TBC1D20: variants seen among roughly 807,000 people sequenced by gnomAD.
TBC1D20 encodes chromosome 20 open reading frame 140.
TBC1D20 carries 12 observed loss-of-function variants against 41.6 expected under a neutral mutation model. The ratio of observed to expected loss-of-function variants is 0.29; its 90% CI spans 0.18 to 0.47. The LOEUF (loss-of-function observed/expected upper bound fraction) is 0.47. Among genes scored for constraint, TBC1D20 ranks in the 20% least tolerant of loss-of-function variants. The probability of loss-of-function intolerance (pLI) is 1.00; values close to 1 mark genes in which losing one functional copy is unlikely to be tolerated. For synonymous variants in TBC1D20, 205 were observed against 204.8 expected, an observed-to-expected ratio of 1.00 and a Z score of -0.01; for missense variants, 421 against 517.4, an observed-to-expected ratio of 0.81 and a Z score of 1.81.
intron 1 of TBC1D20, among the ~76,000 whole-genome samples, chr20:452,504 C>A (rs973001232): frequency 2.0e-5 from 3 of 152,272 alleles, no homozygotes; most frequent in East Asian, 3.9e-4. Context: ...GTGGTCCCAG[C>A]TACTCAGGAG....
rs1284054481 is a variant in TBC1D20, at chr20:439,173, G to A, written c.891C>T (p.Asp297=). 3 of 1,614,070 alleles carry A rather than the reference G, an allele frequency of 1.9e-6. No homozygotes were observed. Among genetic ancestry groups the A allele is most frequent in the African/African-American group, 2.7e-5 (2 of 74,934 alleles). The part of the protein sequence containing the change: ...PYETLISRAG[D]LFVQFPPSEL... ...CGGATGGGGGAAACTGAACAAAAAG[G>A]TCTCCTGCTCTGCTGATCAGTGTCT... Residue 297 remains aspartate, a synonymous_variant, in exon 7 of 8, where the codon GAC becomes GAT. Coordinates refer to ENST00000354200, the MANE Select transcript of TBC1D20 (RefSeq NM_144628.4). The surrounding 1 kb of genome is among the most constrained non-coding windows in gnomAD (Gnocchi z 4.6).
At chr20:446,784 C>T (rs146548242) in intron 2 of TBC1D20, among the ~76,000 whole-genome samples, 3,303 of 151,732 alleles carry the variant, frequency 0.022, 37 homozygotes, top group Non-Finnish European at 0.031. Flanking sequence ...AGCCGTGCAC[C>T]ACCATGTCTG....
chr20:461,688 A>T (rs927140567), intron 1 of TBC1D20, among the ~76,000 whole-genome samples: 1 of 152,222 alleles, frequency 6.6e-6, no homozygotes, highest in Non-Finnish European at 1.5e-5. Context: ...ATAACATTAA[A>T]ATAGGTGGCA....
intron 3 of TBC1D20, 99 bp from the exon 4 acceptor site, chr20:442,142 A>T (rs1343363894): frequency 2.7e-6 from 3 of 1,111,962 alleles, no homozygotes; most frequent in Non-Finnish European, 3.7e-6. Context: ...AAAAAAGGAA[A>T]ATGAATTACA....
chr20:456,255 A>G (rs775322589), intron 1 of TBC1D20, among the ~76,000 whole-genome samples: 2 of 152,214 alleles, frequency 1.3e-5, no homozygotes, highest in African/African-American at 2.4e-5. Context: ...AAAAACAAAA[A>G]AAAATCTCCA....
In TBC1D20 at chr20:442,057, C is replaced by T. The variant is rs1383825927; in HGVS notation, c.338-14G>A. On this transcript the variant is annotated splice_polypyrimidine_tract_variant and intron_variant, in intron 3 of 7. Transcript: ENST00000354200. ...CCTCTGGCATGCCTGGGGACAGGAACAGAGATGCCTTTGAACATACCAAGC... is the reference window on the plus strand; with the variant it reads ...CCTCTGGCATGCCTGGGGACAGGAATAGAGATGCCTTTGAACATACCAAGC... The T allele has an allele frequency of 8.1e-6, 13 of 1,601,830 alleles. No individual in the cohort carries two copies. The highest frequency in any genetic ancestry group is 1.1e-5 in the Non-Finnish European group (13 of 1,171,830).
At chr20:438,913 G>T in intron 7 of TBC1D20, 72 bp from the exon 8 acceptor site, 1 of 1,572,176 alleles carries the variant, frequency 6.4e-7, no homozygotes, top group Non-Finnish European at 8.7e-7. Context: ...ACACCACATA[G>T]GCTGCGGGCA....
At chr20:458,033 G>A (rs569166177) in intron 1 of TBC1D20, among the ~76,000 whole-genome samples, 2 of 152,264 alleles carry the variant, frequency 1.3e-5, no homozygotes, top group South Asian at 2.1e-4. Context: ...TACTGCTTGA[G>A]GGAAGCTGAT....
intron 3 of TBC1D20, among the ~76,000 whole-genome samples, chr20:442,822 G>A (rs2017263768): frequency 6.6e-6 from 1 of 152,228 alleles, no homozygotes; most frequent in African/African-American, 2.4e-5. Flanking sequence ...TGTAGGCCAG[G>A]CGCGGTGGCT....
intron 3 of TBC1D20, among the ~76,000 whole-genome samples, chr20:444,063 G>A (rs1385543364): frequency 6.6e-6 from 1 of 151,822 alleles, no homozygotes; most frequent in Admixed American, 6.6e-5. Context: ...CCTGGGAGGC[G>A]GAGGTTGTAG....
chr20:453,238 C>T (rs1166161447), intron 1 of TBC1D20, among the ~76,000 whole-genome samples: 1 of 145,148 alleles, frequency 6.9e-6, no homozygotes, highest in African/African-American at 2.6e-5. Context: ...TTTGGGAGGC[C>T]GAAGTGGGCA....
chr20:454,451 A>G (rs1387249624), intron 1 of TBC1D20, among the ~76,000 whole-genome samples: 3 of 152,128 alleles, frequency 2.0e-5, no homozygotes, highest in African/African-American at 7.2e-5. Context: ...TAATTAAAAA[A>G]TATTTATGTA....
chr20:451,232 G>C (rs537603796), intron 1 of TBC1D20, among the ~76,000 whole-genome samples: 1 of 152,296 alleles, frequency 6.6e-6, no homozygotes, highest in South Asian at 2.1e-4. Context: ...CATCCTTGCA[G>C]TGTAAGACGA....
intron 2 of TBC1D20, among the ~76,000 whole-genome samples, chr20:446,221 T>C (rs755062438): frequency 2.6e-5 from 4 of 152,258 alleles, no homozygotes; most frequent in Non-Finnish European, 5.9e-5. Context: ...TTTTACTATT[T>C]TGAACTTCAT....
intron 2 of TBC1D20, among the ~76,000 whole-genome samples, chr20:445,351 T>G (rs1423806319): frequency 1.3e-5 from 2 of 152,160 alleles, no homozygotes; most frequent in African/African-American, 4.8e-5. Context: ...GAGCACAGAC[T>G]GCCCAGGAGA....
At chr20:445,621 C>G (rs2017317703) in intron 2 of TBC1D20, among the ~76,000 whole-genome samples, 2 of 152,232 alleles carry the variant, frequency 1.3e-5, no homozygotes, top group African/African-American at 4.8e-5. Context: ...CCTAACAACT[C>G]TTGACCCAGC....
In TBC1D20 at chr20:453,153, CAAAAAAAAAAAAAAAAAAA is replaced by C. The variant is rs71191943; in HGVS notation, c.71-5098_71-5080del. Among the ~76,000 whole-genome samples, 78 of 44,858 alleles carry C rather than the reference CAAAAAAAAAAAAAAAAAAA, an allele frequency of 1.7e-3. 2 individuals carry two copies. Among genetic ancestry groups the C allele is most frequent in the East Asian group, 0.011 (10 of 918 alleles). The allele number at this position is 44,858 out of a possible 152,430, so 29.4% of individuals were successfully genotyped here. A position where few individuals can be genotyped will look rare whatever the true frequency, so the allele number is the denominator to read the frequency against. ...GGGCAACAAGAGCGAAACTCCGTTT[CAAAAAAAAAAAAAAAAAAA>C]AAAAAAAAAAAAAAAACAGGCTGGG... On this transcript the variant is annotated intron_variant, in intron 1 of 7. Transcript: ENST00000354200.
At chr20:449,955 T>C (rs1355513995) in intron 1 of TBC1D20, among the ~76,000 whole-genome samples, 2 of 152,322 alleles carry the variant, frequency 1.3e-5, no homozygotes, top group East Asian at 3.9e-4. Context: ...TGTCAATGTT[T>C]TCATACAAGA....
At chr20:453,005 C>T (rs1038454278) in intron 1 of TBC1D20, among the ~76,000 whole-genome samples, 19 of 150,736 alleles carry the variant, frequency 1.3e-4, no homozygotes, top group Non-Finnish European at 2.2e-4. Flanking sequence ...CAAAATTAGC[C>T]GGGCGTGGTG....
Sources: gnomAD v4.1 joint callset for allele counts (sites outside exome capture counted in the v4.1 genomes callset) on GRCh38, gnomAD v4.1.1 for gene constraint, Gnocchi (gnomAD v3.1) non-coding constraint, MANE v1.5 for transcripts, NCBI Gene and HGNC (gene_info 2026-07-23, HGNC 2026-07-21) for gene names.